Variants in LRBA observed in about 807,000 individuals in gnomAD.
LRBA encodes the protein lipopolysaccharide-responsive and beige-like anchor protein.
LRBA carries 176 observed loss-of-function variants against 330.0 expected under a neutral mutation model. The observed-to-expected ratio is 0.53, with a 90% CI of 0.47 to 0.60. The LOEUF is 0.60. Among genes scored for constraint, LRBA ranks in the 20% least tolerant of loss-of-function variants. The pLI is 0.00. For missense variants in LRBA, 3,259 were observed against 3,444.8 expected (o/e 0.95, Z 1.35); for synonymous variants, 1,230 against 1,193.0 (o/e 1.03, Z -0.64).
chr4:150,704,540 T>C (rs1366564998), intron 36 of LRBA, among the ~76,000 whole-genome samples: 1 of 152,102 alleles, frequency 6.6e-6, no homozygotes, highest in Admixed American at 6.6e-5. Flanking sequence ...CTGAATTCTA[T>C]TTTTAAAAGA....
intron 34 of LRBA, among the ~76,000 whole-genome samples, chr4:150,790,315 C>T (rs142016654): frequency 1.3e-3 from 193 of 152,188 alleles, no homozygotes; most frequent in Non-Finnish European, 1.9e-3. Context: ...ATCCATAGGA[C>T]GCCTGTATTT....
chr4:150,405,969 C>G (rs138932990), intron 47 of LRBA, among the ~76,000 whole-genome samples: 1 of 152,032 alleles, frequency 6.6e-6, no homozygotes, highest in Admixed American at 6.6e-5. Flanking sequence ...GTGAGAAGAT[C>G]GTTTGAGCCC....
At chr4:150,818,289 C>G (rs1480887359) in intron 30 of LRBA, among the ~76,000 whole-genome samples, 1 of 152,028 alleles carries the variant, frequency 6.6e-6, no homozygotes, top group Non-Finnish European at 1.5e-5. Context: ...CAGTGCCTAT[C>G]ATGTGAGGGC....
chr4:150,734,322 T>C (rs1730901558), intron 36 of LRBA, among the ~76,000 whole-genome samples: 1 of 152,120 alleles, frequency 6.6e-6, no homozygotes, highest in South Asian at 2.1e-4. Context: ...TCATACTATA[T>C]AATTCATTCT....
At chr4:150,566,094 T>C (rs1039488251) in intron 40 of LRBA, among the ~76,000 whole-genome samples, 1 of 150,770 alleles carries the variant, frequency 6.6e-6, no homozygotes, top group Admixed American at 6.6e-5. Context: ...TCAGGCATGG[T>C]GGTACATGCC....
chr4:150,747,172 C>T (rs930978365), intron 35 of LRBA, among the ~76,000 whole-genome samples: 4 of 152,128 alleles, frequency 2.6e-5, no homozygotes, highest in Non-Finnish European at 4.4e-5. Context: ...GCCTCTGTTG[C>T]TACTGTCCCA....
intron 2 of LRBA, among the ~76,000 whole-genome samples, chr4:150,952,391 TAAC>T (rs1736932188): frequency 1.3e-5 from 2 of 152,180 alleles, no homozygotes; most frequent in Non-Finnish European, 2.9e-5. Flanking sequence ...AATAAACTAT[TAAC>T]AATGGCTACC....
At chr4:150,513,950 G>T (rs1281744206) in intron 40 of LRBA, among the ~76,000 whole-genome samples, 1 of 152,180 alleles carries the variant, frequency 6.6e-6, no homozygotes, top group African/African-American at 2.4e-5. Context: ...TGCTTACTCT[G>T]CTTGTGCTGT....
At chr4:150,854,576 A>C (rs2126931347) in intron 22 of LRBA, among the ~76,000 whole-genome samples, 1 of 152,344 alleles carries the variant, frequency 6.6e-6, no homozygotes, top group South Asian at 2.1e-4. Context: ...AATAGTAATA[A>C]GAGCTTTGAA....
chr4:151,008,262 G>T (rs963446831), intron 2 of LRBA, among the ~76,000 whole-genome samples: 10 of 151,792 alleles, frequency 6.6e-5, no homozygotes, highest in Non-Finnish European at 1.5e-4. Context: ...TGTATTTTTA[G>T]TAGAGACCAG....
intron 34 of LRBA, among the ~76,000 whole-genome samples, chr4:150,796,015 G>T (rs1431838869): frequency 6.6e-6 from 1 of 151,900 alleles, no homozygotes; most frequent in Non-Finnish European, 1.5e-5. Flanking sequence ...CATTATTTAC[G>T]TGATTAAAAA....
chr4:150,686,987 AC>A (rs1783680386), intron 36 of LRBA, among the ~76,000 whole-genome samples: 1 of 152,236 alleles, frequency 6.6e-6, no homozygotes, highest in East Asian at 1.9e-4. Flanking sequence ...TTGAACAGCA[AC>A]TTTTCATATC....
At position 150,935,720 on chromosome 4, in the gene LRBA, C is replaced by T. The variant is rs185831669; in HGVS notation, c.217-6655G>A. ...AAATGGTATAACATAATTATTAAAACTGTATGGTACTAGACAGAAAATAAT... is the reference window on the plus strand; with the variant it reads ...AAATGGTATAACATAATTATTAAAATTGTATGGTACTAGACAGAAAATAAT... On this transcript the variant is annotated intron_variant, in intron 2 of 56. Coordinates refer to ENST00000651943, the MANE Select transcript of LRBA (RefSeq NM_001364905.1). Among the ~76,000 whole-genome samples the T allele has an allele frequency of 2.6e-4, 39 of 151,866 alleles. No individual in the cohort carries two copies. The East Asian group carries it at 7.1e-3, about 28-fold the overall frequency.
chr4:150,839,257 T>C (rs571178347), intron 28 of LRBA, among the ~76,000 whole-genome samples: 1 of 152,242 alleles, frequency 6.6e-6, no homozygotes, highest in East Asian at 1.9e-4. Context: ...GGAGAGGATG[T>C]GGAGAAAAAG....
At chr4:150,334,924 G>C (rs370769649) in intron 48 of LRBA, among the ~76,000 whole-genome samples, 18 of 150,376 alleles carry the variant, frequency 1.2e-4, no homozygotes, top group African/African-American at 4.4e-4. Flanking sequence ...CCGTCTCCGA[G>C]GTTCAAGTGA....
At chr4:150,579,531 TA>T (rs1468594560) in intron 40 of LRBA, 1 of 400,324 alleles carries the variant, frequency 2.5e-6, no homozygotes, top group South Asian at 1.8e-5. Flanking sequence ...TAAGACAGGG[TA>T]AATTGGTAAT....
Position 150,583,804 on chromosome 4 carries a change from G to A in LRBA, c.6330+4244C>T. Reference sequence around the variant, plus strand: ...CCTCTCAGTGCTGAAGACTCTGCGGGACCGCCACCTGGAGCTACCCGGCCA... The same window carrying A: ...CCTCTCAGTGCTGAAGACTCTGCGGAACCGCCACCTGGAGCTACCCGGCCA... On this transcript the variant is annotated intron_variant, in intron 40 of 56. Coordinates refer to ENST00000651943, the MANE Select transcript of LRBA (RefSeq NM_001364905.1). The surrounding 1 kb of genome is among the most constrained non-coding windows in gnomAD (Gnocchi z 9.8). 1 of 1,614,188 alleles carries A rather than the reference G, an allele frequency of 6.2e-7. No homozygotes were observed. The highest frequency in any genetic ancestry group is 8.5e-7 in the Non-Finnish European group (1 of 1,180,042).
At chr4:150,488,653 G>C (rs1192497014) in intron 41 of LRBA, among the ~76,000 whole-genome samples, 3 of 150,862 alleles carry the variant, frequency 2.0e-5, no homozygotes, top group Non-Finnish European at 4.4e-5. Flanking sequence ...CATTTGGTCA[G>C]TCATGGAATT....
chr4:150,843,756 G>A (rs1749442351), intron 28 of LRBA, among the ~76,000 whole-genome samples: 1 of 152,106 alleles, frequency 6.6e-6, no homozygotes, highest in African/African-American at 2.4e-5. Flanking sequence ...TGTTACTCAA[G>A]CTTTATGTGC....
Sources: gnomAD v4.1 joint callset for allele counts (sites outside exome capture counted in the v4.1 genomes callset) on GRCh38, gnomAD v4.1.1 for gene constraint, Gnocchi (gnomAD v3.1) non-coding constraint, MANE v1.5 for transcripts, NCBI Gene and HGNC (gene_info 2026-07-23, HGNC 2026-07-21) for gene names.